The following SLIT1 variants were observed in gnomAD, a reference collection of about 807,000 sequenced individuals.
SLIT1 encodes the protein slit guidance ligand 1, also known as slit homolog 1 protein.
In SLIT1, 66 loss-of-function variants were observed where a neutral mutation model predicts 186.1. That is an observed-to-expected ratio of 0.35 (90% CI 0.29 to 0.44). The LOEUF (loss-of-function observed/expected upper bound fraction) is 0.44. Ranked by LOEUF, SLIT1 falls within the 20% of genes least tolerant of loss-of-function variation. The probability of loss-of-function intolerance (pLI) is 1.00; values close to 1 mark genes in which losing one functional copy is unlikely to be tolerated. For synonymous variants in SLIT1, 761 were observed against 833.8 expected (o/e 0.91, Z 1.50); for missense variants, 1,638 against 2,037.4 (o/e 0.80, Z 3.77).
rs1848708371 is a variant in SLIT1, at chr10:97,043,485, T to C, written c.1882A>G (p.Ile628Val). ...LMLRNNRISC[I>V]HNDSFTGLRN... ...AGGCCCGTGAAGCTGTCGTTGTGGA[T>C]GCAGCTGATGCGGTTGTTCCGCAGC... Residue 628 changes from isoleucine to valine, a missense_variant, in exon 19 of 37, where the codon ATC becomes GTC. Transcript: ENST00000266058. This position sits in a 1 kb window ranked among gnomAD's most constrained non-coding sequence, Gnocchi z 7.0. The C allele has an allele frequency of 6.2e-7, 1 of 1,613,648 alleles. No homozygotes were observed. Among genetic ancestry groups the C allele is most frequent in the Non-Finnish European group, 8.5e-7 (1 of 1,179,928 alleles).
Position 97,004,027 on chromosome 10 carries a change from G to A in SLIT1, c.3865+41C>T. ...CACCAGCTCTCCTGGCTGGCCTCAGGCCAGACAGCAAAAGAGGCCCCGCCA... is the reference window on the plus strand; with the variant it reads ...CACCAGCTCTCCTGGCTGGCCTCAGACCAGACAGCAAAAGAGGCCCCGCCA... On this transcript the variant is annotated intron_variant, in intron 34 of 36. Coordinates refer to ENST00000266058, the MANE Select transcript of SLIT1 (RefSeq NM_003061.3). This position sits in a 1 kb window ranked among gnomAD's most constrained non-coding sequence, Gnocchi z 5.1. The A allele has an allele frequency of 6.4e-7, 1 of 1,567,936 alleles. No individual in the cohort carries two copies.
chr10:97,004,541 G>T lies in SLIT1; in HGVS notation c.3710+152C>A. ...CAGGCCTCAGAGACCTCAGCCCCAA[G>T]CTGGGGCTAACCCAGATGGTTCAAG... On this transcript the variant is annotated intron_variant, in intron 33 of 36. Transcript: ENST00000266058. This position sits in a 1 kb window ranked among gnomAD's most constrained non-coding sequence, Gnocchi z 5.1. The T allele has an allele frequency of 1.1e-6, 1 of 918,902 alleles. No homozygotes were observed. The highest frequency in any genetic ancestry group is 1.7e-6 in the Non-Finnish European group (1 of 594,238). The allele number at this position is 918,902 out of a possible 1,614,324, so 56.9% of individuals were successfully genotyped here.
intron 1 of SLIT1, 88 bp from the exon 2 acceptor site, chr10:97,164,978 G>A (rs1850084564): frequency 5.2e-6 from 5 of 964,702 alleles, no homozygotes; most frequent in Non-Finnish European, 8.4e-6. Context: ...CTCCCCGCCT[G>A]GATCAGCCAG....
At chr10:97,097,722 A>G (rs1234481312) in intron 4 of SLIT1, among the ~76,000 whole-genome samples, 1 of 152,162 alleles carries the variant, frequency 6.6e-6, no homozygotes, top group Non-Finnish European at 1.5e-5. Flanking sequence ...AGTTTGCTAT[A>G]CTGCAGCCCT....
Position 97,006,667 on chromosome 10 carries a change from T to A in SLIT1, c.3395A>T (p.Glu1132Val), listed in dbSNP as rs1209958058. 1 of 1,614,080 alleles carries A rather than the reference T, an allele frequency of 6.2e-7. No homozygotes were observed. The highest frequency in any genetic ancestry group is 2.2e-5 in the East Asian group (1 of 44,878). Residue 1132 changes from glutamate to valine, a missense_variant, in exon 32 of 37, where the codon GAG (glutamate) becomes GTG (valine). Physicochemically the swap from Glu to Val is moderately radical, Grantham distance 121 (BLOSUM62 -2). Around this residue, in one of 3 missense-constraint regions of SLIT1, gnomAD observed 1,245 missense variants for 1,535.3 expected, o/e 0.81. Coordinates refer to ENST00000266058, the MANE Select transcript of SLIT1 (RefSeq NM_003061.3). This position sits in a 1 kb window ranked among gnomAD's most constrained non-coding sequence, Gnocchi z 4.0. ...GGCCCCATTCTGGCACTCAGTCCCC[T>A]CACAGGGGCTCTTGGGGGCAGGCAG... Reference protein sequence around the residue: ...PHLPAPKSPCEGTECQNGANC... With the variant: ...PHLPAPKSPCVGTECQNGANC...
intron 4 of SLIT1, among the ~76,000 whole-genome samples, chr10:97,104,080 AC>A (rs1228101502): frequency 1.3e-5 from 2 of 151,986 alleles, no homozygotes; most frequent in Admixed American, 6.6e-5. Context: ...GGAGGTGAGT[AC>A]TACAGAGAAG....
At position 97,001,245 on chromosome 10, in the gene SLIT1, G is replaced by A. The variant is rs569405132; in HGVS notation, c.4472C>T (p.Ser1491Leu). The A allele has an allele frequency of 2.0e-5, 33 of 1,613,178 alleles. No individual in the cohort carries two copies. The highest frequency in any genetic ancestry group is 6.7e-5 in the East Asian group (3 of 44,888). Residue 1491 changes from serine (S) to leucine (L), a missense_variant, in exon 37 of 37, where the codon TCG (serine) becomes TTG (leucine). By Grantham distance (145) the Ser-to-Leu change is moderately radical. This residue lies in a region of SLIT1 where 220 missense variants were observed against 211.3 expected (regional missense o/e 1.04). Transcript: ENST00000266058. ...RPLSWVECRGSCPGQGCCQGL... is the reference protein window; with the variant it reads ...RPLSWVECRGLCPGQGCCQGL... ...CTGGCAGCAGCCCTGGCCTGGGCAC[G>A]AGCCCCGGCACTCCACCCATGACAG... is the stretch of plus-strand genomic sequence containing the variant.
At chr10:97,089,199 G>A (rs1335603867) in intron 4 of SLIT1, among the ~76,000 whole-genome samples, 1 of 152,166 alleles carries the variant, frequency 6.6e-6, no homozygotes, top group Non-Finnish European at 1.5e-5. Flanking sequence ...GAAGAGAAAA[G>A]TGCAAAAACA....
chr10:97,066,149 T>C, intron 4 of SLIT1, 63 bp from the exon 5 acceptor site: 1 of 1,338,656 alleles, frequency 7.5e-7, no homozygotes, highest in Non-Finnish European at 1.1e-6. Flanking sequence ...TGCAGAGTGC[T>C]GTGATAAGTC....
intron 25 of SLIT1, among the ~76,000 whole-genome samples, chr10:97,025,244 C>T (rs1159710992): frequency 6.6e-6 from 1 of 152,170 alleles, no homozygotes; most frequent in Non-Finnish European, 1.5e-5. Context: ...CACTGAACTC[C>T]AGCCTGGGCA....
intron 4 of SLIT1, among the ~76,000 whole-genome samples, chr10:97,146,478 C>T (rs1290181410): frequency 6.6e-6 from 1 of 152,136 alleles, no homozygotes; most frequent in Non-Finnish European, 1.5e-5. Flanking sequence ...CCCTTGACTC[C>T]CTCCTCAAGC....
At chr10:97,139,118 C>G (rs1024343962) in intron 4 of SLIT1, among the ~76,000 whole-genome samples, 1 of 152,156 alleles carries the variant, frequency 6.6e-6, no homozygotes, top group African/African-American at 2.4e-5. Flanking sequence ...AGGGTCCCCA[C>G]GGCCAAGTCA....
At chr10:97,052,473 G>A in intron 13 of SLIT1, among the ~76,000 whole-genome samples, 1 of 152,332 alleles carries the variant, frequency 6.6e-6, no homozygotes, top group South Asian at 2.1e-4. Flanking sequence ...GTGATGGCCA[G>A]CAGCTGAGTC....
At chr10:97,136,263 G>A (rs1849702786) in intron 4 of SLIT1, among the ~76,000 whole-genome samples, 1 of 152,092 alleles carries the variant, frequency 6.6e-6, no homozygotes, top group Admixed American at 6.5e-5. Flanking sequence ...AGGGCAGGGG[G>A]TGTTTGGGGA....
chr10:97,056,215 T>A lies in SLIT1; in HGVS notation c.1301+106A>T. 8 of 1,302,244 alleles carry A rather than the reference T, an allele frequency of 6.1e-6. No individual in the cohort carries two copies. The South Asian group carries it at 6.8e-5, about 11-fold the overall frequency. The allele number at this position is 1,302,244 out of a possible 1,614,324, so 80.7% of individuals were successfully genotyped here. ...TTCCTCTGTAAGAGGCCACCCCCAGTGAGCACAGCAGCCCAGAGCCGGAGA... is the reference window on the plus strand; with the variant it reads ...TTCCTCTGTAAGAGGCCACCCCCAGAGAGCACAGCAGCCCAGAGCCGGAGA... On this transcript the variant is annotated intron_variant, in intron 13 of 36. Transcript: ENST00000266058.
intron 4 of SLIT1, among the ~76,000 whole-genome samples, chr10:97,145,738 T>C (rs1415474454): frequency 6.6e-6 from 1 of 151,952 alleles, no homozygotes; most frequent in Non-Finnish European, 1.5e-5. Context: ...ACTCCAAAGC[T>C]CCTGCAAGAG....
At chr10:97,183,995 TCA>T (rs568318053) in intron 1 of SLIT1, among the ~76,000 whole-genome samples, 1 of 137,358 alleles carries the variant, frequency 7.3e-6, no homozygotes, top group Non-Finnish European at 1.6e-5. Context: ...ACACAAGCAT[TCA>T]CACACACACA....
chr10:97,075,048 C>T (rs550827457), intron 4 of SLIT1, among the ~76,000 whole-genome samples: 129 of 152,338 alleles, frequency 8.5e-4, no homozygotes, highest in African/African-American at 2.8e-3. Context: ...GCTGCCCACT[C>T]GGGCGCCACT....
chr10:97,017,078 C>T (rs1848460338), intron 28 of SLIT1, among the ~76,000 whole-genome samples: 1 of 152,170 alleles, frequency 6.6e-6, no homozygotes. Flanking sequence ...CCTGGAGAGC[C>T]CACTCCCGCA....
Sources: allele counts gnomAD v4.1 joint callset (sites outside exome capture counted in the v4.1 genomes callset), GRCh38; gene constraint gnomAD v4.1.1; regional missense constraint gnomAD v4.1.1; non-coding constraint Gnocchi (gnomAD v3.1); transcripts MANE v1.5; gene names NCBI Gene and HGNC (gene_info 2026-07-23, HGNC 2026-07-21).